SYT9: variants seen among roughly 807,000 people sequenced by gnomAD.
SYT9 encodes the protein synaptotagmin-9.
Under a neutral mutation model 48.4 loss-of-function variants are expected in SYT9, and 22 were observed. That is an observed-to-expected ratio of 0.45 (90% CI 0.32 to 0.65). The LOEUF is 0.65. SYT9 is among the 30% of genes least tolerant of loss of function. SYT9 has a pLI of 0.03. For missense variants in SYT9, 577 were observed against 622.0 expected (o/e 0.93, Z 0.77); for synonymous variants, 265 against 245.0 (o/e 1.08, Z -0.76).
intron 3 of SYT9, among the ~76,000 whole-genome samples, chr11:7,362,836 T>C (rs1321847582): frequency 6.6e-6 from 1 of 152,060 alleles, no homozygotes; most frequent in Non-Finnish European, 1.5e-5. Flanking sequence ...CATTTACATA[T>C]ATCGCCATGA....
intron 1 of SYT9, among the ~76,000 whole-genome samples, chr11:7,281,037 A>G (rs1426248766): frequency 6.6e-6 from 1 of 152,226 alleles, no homozygotes; most frequent in East Asian, 1.9e-4. Context: ...GTTGATTCTT[A>G]TGAGCTTCTG....
intron 1 of SYT9, among the ~76,000 whole-genome samples, chr11:7,285,624 C>T (rs1848582036): frequency 6.6e-6 from 1 of 152,172 alleles, no homozygotes; most frequent in Admixed American, 6.5e-5. Context: ...AAAATCTTAA[C>T]TCATTCCAGC....
intron 1 of SYT9, among the ~76,000 whole-genome samples, chr11:7,270,805 C>T (rs532808349): frequency 1.3e-3 from 193 of 150,232 alleles, no homozygotes; most frequent in Middle Eastern, 3.4e-3. Context: ...AGGATACTGA[C>T]TTTGATGTTT....
intron 3 of SYT9, among the ~76,000 whole-genome samples, chr11:7,333,339 A>C (rs931078839): frequency 1.3e-5 from 2 of 152,206 alleles, no homozygotes; most frequent in East Asian, 1.9e-4. Context: ...TGCTAAAGAC[A>C]TGGTAGTGCT....
chr11:7,350,633 T>G (rs1849896601), intron 3 of SYT9, among the ~76,000 whole-genome samples: 1 of 152,150 alleles, frequency 6.6e-6, no homozygotes, highest in African/African-American at 2.4e-5. Flanking sequence ...TCTCAAGGCT[T>G]ATGTTAGAGC....
chr11:7,314,072 C>A lies in SYT9; in HGVS notation c.1044+131C>A. 6.1e-6 allele frequency: 6 copies of A among 985,668 alleles called. No homozygotes were observed. The South Asian group carries it at 6.1e-5, about 10-fold the overall frequency. 61.1% of individuals were successfully genotyped at this position (985,668 alleles called of 1,614,324 possible). ...TGTACATGTAGCAGTTATTTCAGAA[C>A]CTCCTTGTACCTTTTCAGAAACAGG... On this transcript the variant is annotated intron_variant, in intron 3 of 6. Transcript: ENST00000318881.
intron 1 of SYT9, among the ~76,000 whole-genome samples, chr11:7,294,676 C>A (rs376354080): frequency 6.6e-6 from 1 of 152,212 alleles, no homozygotes; most frequent in African/African-American, 2.4e-5. Flanking sequence ...GCCCCCCAGG[C>A]TCACTGGGAC....
chr11:7,386,965 G>C (rs984838487), intron 3 of SYT9, among the ~76,000 whole-genome samples: 3 of 152,164 alleles, frequency 2.0e-5, no homozygotes, highest in African/African-American at 7.2e-5. Context: ...ATACTATGCA[G>C]CCATAAAAAA....
chr11:7,369,566 C>T (rs897399440), intron 3 of SYT9, among the ~76,000 whole-genome samples: 19 of 151,950 alleles, frequency 1.3e-4, no homozygotes, highest in East Asian at 1.9e-4. Context: ...GCCTATGTCC[C>T]GAATGGTATT....
chr11:7,349,382 A>AACACAC (rs71056799), intron 3 of SYT9, among the ~76,000 whole-genome samples: 6,475 of 148,088 alleles, frequency 0.044, 190 homozygotes, highest in African/African-American at 0.083. Flanking sequence ...AAAATATACA[A>AACACAC]ACACACACAC....
intron 1 of SYT9, among the ~76,000 whole-genome samples, chr11:7,268,031 T>G (rs1310465851): frequency 6.6e-6 from 1 of 152,020 alleles, no homozygotes; most frequent in Admixed American, 6.6e-5. Context: ...TAGAAGAAAT[T>G]GAAAGGTAGT....
intron 6 of SYT9, among the ~76,000 whole-genome samples, chr11:7,458,672 C>T (rs12295153): frequency 2.6e-5 from 4 of 151,788 alleles, no homozygotes; most frequent in South Asian, 2.1e-4. Flanking sequence ...CAGAAATACA[C>T]GCTAAGGGAA....
chr11:7,255,833 C>T (rs991105418), intron 1 of SYT9, among the ~76,000 whole-genome samples: 52 of 152,300 alleles, frequency 3.4e-4, no homozygotes, highest in African/African-American at 1.2e-3. Context: ...AGCTGTTTTA[C>T]AGTTGAACAG....
At chr11:7,357,143 G>A (rs897460124) in intron 3 of SYT9, among the ~76,000 whole-genome samples, 2 of 152,124 alleles carry the variant, frequency 1.3e-5, no homozygotes, top group African/African-American at 4.8e-5. Context: ...AGAGAATTTC[G>A]TGATGAAAAA....
chr11:7,425,924 A>G (rs1253401259), intron 6 of SYT9, among the ~76,000 whole-genome samples: 3 of 152,206 alleles, frequency 2.0e-5, no homozygotes, highest in Non-Finnish European at 2.9e-5. Flanking sequence ...TTTGTTATGA[A>G]TGAAAACAGA....
rs565588400 is a variant in SYT9, at chr11:7,398,028, A to G, written c.1045-18014A>G. Among the ~76,000 whole-genome samples, 7 of 152,352 alleles carry G rather than the reference A, an allele frequency of 4.6e-5. No homozygotes were observed. In the East Asian group the frequency reaches 1.3e-3, roughly 29 times the overall value. On this transcript the variant is annotated intron_variant, in intron 3 of 6. Coordinates refer to ENST00000318881, the MANE Select transcript of SYT9 (RefSeq NM_175733.4). Reference sequence around the variant, plus strand: ...AATATTGAACAGAAGAGATGAGAGCAGACATCCTCCCAATGCTCCTCTAGG... The same window carrying G: ...AATATTGAACAGAAGAGATGAGAGCGGACATCCTCCCAATGCTCCTCTAGG...
intron 3 of SYT9, among the ~76,000 whole-genome samples, chr11:7,367,747 CA>C (rs1314152222): frequency 6.6e-6 from 1 of 150,930 alleles, no homozygotes; most frequent in Non-Finnish European, 1.5e-5. Flanking sequence ...TATTCAGATA[CA>C]AAATGTTTTT....
intron 1 of SYT9, among the ~76,000 whole-genome samples, chr11:7,300,670 T>C (rs1031622916): frequency 1.3e-5 from 2 of 152,214 alleles, no homozygotes; most frequent in African/African-American, 4.8e-5. Flanking sequence ...GACTACAGAA[T>C]GTATTAAGAG....
At chr11:7,440,063 C>A (rs928262126) in intron 6 of SYT9, 3 of 152,156 alleles carry the variant, frequency 2.0e-5, no homozygotes, top group African/African-American at 7.2e-5. Flanking sequence ...ATAAGCACTC[C>A]CATCTAGACT....
Sources: gnomAD v4.1 joint callset for allele counts (sites outside exome capture counted in the v4.1 genomes callset) on GRCh38, gnomAD v4.1.1 for gene constraint, MANE v1.5 for transcripts, NCBI Gene and HGNC (gene_info 2026-07-23, HGNC 2026-07-21) for gene names.